Variants in NACC2 observed in about 807,000 individuals in gnomAD.
The protein encoded by NACC2 is NACC family member 2.
NACC2 carries 8 observed loss-of-function variants against 25.1 expected under a neutral mutation model. The ratio of observed to expected loss-of-function variants is 0.32; its 90% CI spans 0.19 to 0.57. The LOEUF (loss-of-function observed/expected upper bound fraction) is 0.57. Among genes scored for constraint, NACC2 ranks in the 20% least tolerant of loss-of-function variants. The pLI, the probability that NACC2 is intolerant of heterozygous loss-of-function variation, is 0.89. For missense variants in NACC2, 644 were observed against 650.2 expected (o/e 0.99, Z 0.10); for synonymous variants, 435 against 294.7 (o/e 1.48, Z -4.88).
Position 136,011,694 on chromosome 9 carries a change from C to T in NACC2, c.1586G>A (p.Gly529Asp). 6.7e-7 allele frequency: 1 copy of T among 1,482,020 alleles called. No homozygotes were observed. Among genetic ancestry groups the T allele is most frequent in the African/African-American group, 1.4e-5 (1 of 69,604 alleles). The allele number at this position is 1,482,020 out of a possible 1,614,324, so 91.8% of individuals were successfully genotyped here. Residue 529 changes from glycine (G) to aspartate (D), a missense_variant, in exon 6 of 6, where the codon GGC becomes GAC. Gly to Asp is a moderately conservative substitution (Grantham distance 94, BLOSUM62 -1). Transcript: ENST00000277554. ...CGAGCCAGCCCCGTCCACCTCCTCGCCGGCGTCGAAGGCGGGGTTGGCGGC... is the reference window on the plus strand; with the variant it reads ...CGAGCCAGCCCCGTCCACCTCCTCGTCGGCGTCGAAGGCGGGGTTGGCGGC... ...SAAANPAFDA[G>D]EEVDGAGSVI... is the part of the protein sequence containing the mutation.
Position 136,050,504 on chromosome 9 carries a change from G to C in NACC2, c.18C>G (p.His6Gln), listed in dbSNP as rs894339837. MSQML[H>Q]IEIPNFGNTV... Reference sequence around the variant, plus strand: ...TGTTCCCGAAGTTGGGGATCTCGATGTGCAGCATCTGAGACATGGCGGGCG... The same window carrying C: ...TGTTCCCGAAGTTGGGGATCTCGATCTGCAGCATCTGAGACATGGCGGGCG... Residue 6 changes from histidine (H) to glutamine (Q), a missense_variant, in exon 2 of 6, where the codon CAC (histidine) becomes CAG (glutamine). His to Gln is a conservative substitution (Grantham distance 24, BLOSUM62 0). Coordinates refer to ENST00000277554, the MANE Select transcript of NACC2 (RefSeq NM_144653.5). 1.3e-6 allele frequency: 1 copy of C among 763,946 alleles called. No individual in the cohort carries two copies. The highest frequency in any genetic ancestry group is 1.7e-5 in the Admixed American group (1 of 58,956). 47.3% of individuals were successfully genotyped at this position (763,946 alleles called of 1,614,324 possible). A position where few individuals can be genotyped will look rare whatever the true frequency, so the allele number is the denominator to read the frequency against.
rs187206507 is a variant in NACC2, at chr9:136,083,361, G to T, written c.-60+11828C>A. On this transcript the variant is annotated intron_variant, in intron 1 of 5. Transcript: ENST00000277554. ...TCCCTTCCTTCCCAGGCTGGGTTGG[G>T]GGGGAGGCAGCCACAGAGAAGAGGG... 1.5e-4 allele frequency among the ~76,000 whole-genome samples: 23 copies of T among 152,316 alleles called. 1 individual carries two copies. In the East Asian group the frequency reaches 3.5e-3, roughly 23 times the overall value.
chr9:136,013,994 G>T lies in NACC2; in HGVS notation c.1052-25C>A, dbSNP rs756585405. ...CCTGCAGCCACCAAACAGAAAAAGG[G>T]CTCGTGGCCTTCCCGGGCCATAGGG... On this transcript the variant is annotated intron_variant, in intron 3 of 5. Transcript: ENST00000277554. This position sits in a 1 kb window ranked among gnomAD's most constrained non-coding sequence, Gnocchi z 6.6. 6.3e-7 allele frequency: 1 copy of T among 1,599,332 alleles called. No individual in the cohort carries two copies. Among genetic ancestry groups the T allele is most frequent in the Non-Finnish European group, 8.5e-7 (1 of 1,172,080 alleles).
At chr9:136,024,399 G>C (rs1435230510) in intron 2 of NACC2, among the ~76,000 whole-genome samples, 1 of 146,840 alleles carries the variant, frequency 6.8e-6, no homozygotes, top group Non-Finnish European at 1.5e-5. Flanking sequence ...GAGGGTGTGT[G>C]AGGACAGAGT....
chr9:136,054,481 G>C (rs1840895590), intron 1 of NACC2, among the ~76,000 whole-genome samples: 2 of 152,194 alleles, frequency 1.3e-5, no homozygotes, highest in African/African-American at 4.8e-5. Context: ...AACTTTAGGA[G>C]AAAAGAATAA....
chr9:136,076,455 G>A (rs372042034), intron 1 of NACC2, among the ~76,000 whole-genome samples: 101 of 152,228 alleles, frequency 6.6e-4, no homozygotes, highest in African/African-American at 2.4e-3. Context: ...CACAGACAAC[G>A]CCACGGGGTT....
At chr9:136,045,481 G>A (rs1439227592) in intron 2 of NACC2, among the ~76,000 whole-genome samples, 1 of 151,890 alleles carries the variant, frequency 6.6e-6, no homozygotes, top group Admixed American at 6.5e-5. Flanking sequence ...AGTGACATCT[G>A]CCAGCTGCAA....
At chr9:136,072,297 G>A (rs1220625368) in intron 1 of NACC2, among the ~76,000 whole-genome samples, 1 of 152,012 alleles carries the variant, frequency 6.6e-6, no homozygotes, top group Non-Finnish European at 1.5e-5. Flanking sequence ...TGTAATCCCA[G>A]CACATTGGGA....
intron 2 of NACC2, among the ~76,000 whole-genome samples, chr9:136,024,503 ATGTGTG>A (rs139555936): frequency 0.034 from 4,227 of 124,668 alleles, 162 homozygotes; most frequent in African/African-American, 0.094. Flanking sequence ...TGAGGACAGA[ATGTGTG>A]TGTGTGTGTG....
At position 136,032,262 on chromosome 9, in the gene NACC2, T is replaced by C. The variant is rs140527098; in HGVS notation, c.887-15833A>G. ...TGAATTTATTCCAGGAATACGAAGT[T>C]ATTTCAATATTTGGAAAAGCAGTCA... On this transcript the variant is annotated intron_variant, in intron 2 of 5. Coordinates refer to ENST00000277554, the MANE Select transcript of NACC2 (RefSeq NM_144653.5). 1.3e-3 allele frequency among the ~76,000 whole-genome samples: 196 copies of C among 152,344 alleles called. 3 individuals carry two copies. Among genetic ancestry groups the C allele is most frequent in the East Asian group, 4.2e-3 (22 of 5,190 alleles).
At chr9:136,081,730 T>C (rs933765794) in intron 1 of NACC2, among the ~76,000 whole-genome samples, 1 of 152,178 alleles carries the variant, frequency 6.6e-6, no homozygotes, top group Non-Finnish European at 1.5e-5. Context: ...GCTCGGGCCC[T>C]GGGGCACCAT....
chr9:136,066,582 T>C (rs1379122025), intron 1 of NACC2, among the ~76,000 whole-genome samples: 5 of 152,190 alleles, frequency 3.3e-5, no homozygotes, highest in African/African-American at 4.8e-5. Flanking sequence ...GTCTGGAATT[T>C]CCTCAAAAGG....
chr9:136,048,050 C>A (rs971482068), intron 2 of NACC2, among the ~76,000 whole-genome samples: 4 of 152,320 alleles, frequency 2.6e-5, no homozygotes, highest in African/African-American at 9.6e-5. Context: ...CCTGACCCGT[C>A]GGCAACCCGT....
rs1371926706 is a variant in NACC2, at chr9:136,095,207, G to A, written c.-78C>T. ...GCGGTACCTGCGGGCGCCCGGCCCG[G>A]TCCGGCCTGGGCAGCTGCGGCGCGC... On this transcript the variant is annotated 5_prime_UTR_variant, in exon 1 of 6. Coordinates refer to ENST00000277554, the MANE Select transcript of NACC2 (RefSeq NM_144653.5). 1 of 147,274 alleles carries A rather than the reference G, an allele frequency of 6.8e-6. No individual in the cohort carries two copies. The highest frequency in any genetic ancestry group is 2.4e-5 in the African/African-American group (1 of 40,942). The allele number at this position is 147,274 out of a possible 1,614,324, so 9.1% of individuals were successfully genotyped here. A position where few individuals can be genotyped will look rare whatever the true frequency, so the allele number is the denominator to read the frequency against.
chr9:136,075,167 G>A (rs1830247908), intron 1 of NACC2, among the ~76,000 whole-genome samples: 1 of 152,258 alleles, frequency 6.6e-6, no homozygotes. Context: ...AGGTGTGGGT[G>A]CAGCAGGCTG....
chr9:136,014,004 T>C (rs1840155872), intron 3 of NACC2, 35 bp from the exon 4 acceptor site: 2 of 1,458,150 alleles, frequency 1.4e-6, no homozygotes, highest in Non-Finnish European at 1.9e-6. Flanking sequence ...GCTCGTGGCC[T>C]TCCCGGGCCA....
At position 136,013,580 on chromosome 9, in the gene NACC2, G is replaced by A. The variant is rs374608905; in HGVS notation, c.1157+284C>T. Among the ~76,000 whole-genome samples the A allele has an allele frequency of 2.0e-5, 3 of 152,336 alleles. No homozygotes were observed. The East Asian group carries it at 5.8e-4, about 29-fold the overall frequency. On this transcript the variant is annotated intron_variant, in intron 4 of 5. Coordinates refer to ENST00000277554, the MANE Select transcript of NACC2 (RefSeq NM_144653.5). This position sits in a 1 kb window ranked among gnomAD's most constrained non-coding sequence, Gnocchi z 6.6. ...GAGGAAGCCGCTGTGTCCTCGGGAAGGGTTCTGTTGGCCCATCAGCACAAC... is the reference window on the plus strand; with the variant it reads ...GAGGAAGCCGCTGTGTCCTCGGGAAAGGTTCTGTTGGCCCATCAGCACAAC...
chr9:136,085,180 G>A (rs116130720), intron 1 of NACC2, among the ~76,000 whole-genome samples: 1,557 of 93,458 alleles, frequency 0.017, 55 homozygotes, highest in Middle Eastern at 0.068. Flanking sequence ...ACTGAGTTTC[G>A]CTCTTGTCGC....
intron 1 of NACC2, among the ~76,000 whole-genome samples, chr9:136,067,652 T>C (rs966687798): frequency 3.9e-5 from 6 of 152,170 alleles, no homozygotes; most frequent in Non-Finnish European, 5.9e-5. Flanking sequence ...CTGGCCAACA[T>C]GGTGAAACCC....
Sources: allele counts gnomAD v4.1 joint callset (sites outside exome capture counted in the v4.1 genomes callset), GRCh38; gene constraint gnomAD v4.1.1; non-coding constraint Gnocchi (gnomAD v3.1); transcripts MANE v1.5; gene names NCBI Gene and HGNC (gene_info 2026-07-23, HGNC 2026-07-21).